The following KIF3A variants were observed in gnomAD, a reference collection of about 807,000 sequenced individuals.
KIF3A encodes the protein kinesin-like protein KIF3A.
In KIF3A, 27 loss-of-function variants were observed where a neutral mutation model predicts 92.6. The observed-to-expected ratio is 0.29, with a 90% confidence interval of 0.21 to 0.40. The LOEUF is 0.40. KIF3A is among the 10% of genes least tolerant of loss of function. KIF3A has a pLI of 1.00. For synonymous variants in KIF3A, 250 were observed against 275.4 expected (o/e 0.91, Z 0.92); for missense variants, 581 against 872.6 (o/e 0.67, Z 4.21).
chr5:132,721,456 G>C (rs1753819633), intron 4 of KIF3A: 1 of 152,138 alleles, frequency 6.6e-6, no homozygotes, highest in Admixed American at 6.5e-5. Flanking sequence ...GTGAAACTGA[G>C]GCAGAGGCCT....
At chr5:132,698,887 G>A (rs540318085) in intron 18 of KIF3A, among the ~76,000 whole-genome samples, 55 of 152,052 alleles carry the variant, frequency 3.6e-4, no homozygotes, top group African/African-American at 1.2e-3. Flanking sequence ...ACAGGCATGC[G>A]CCACCATGCC....
Position 132,715,749 on chromosome 5 carries a change from A to G in KIF3A, c.1129+8T>C. ...AACATAAAGATTAATATTTTGAGGA[A>G]AAGCTACCTTCTTCAAGCTTCTTTT... On this transcript the variant is annotated splice_region_variant and intron_variant, in intron 8 of 18. Coordinates refer to ENST00000403231, the MANE Select transcript of KIF3A (RefSeq NM_001300791.2). The G allele has an allele frequency of 6.3e-7, 1 of 1,598,950 alleles. No homozygotes were observed. Among genetic ancestry groups the G allele is most frequent in the East Asian group, 2.2e-5 (1 of 44,720 alleles).
chr5:132,690,840 T>A (rs978728142), downstream of KIF3A, among the ~76,000 whole-genome samples: 2 of 152,028 alleles, frequency 1.3e-5, no homozygotes, highest in African/African-American at 2.4e-5. Flanking sequence ...GGCAGGAGAA[T>A]GGCGTGAACC....
At chr5:132,732,569 G>A (rs1754268509) in intron 2 of KIF3A, among the ~76,000 whole-genome samples, 1 of 152,178 alleles carries the variant, frequency 6.6e-6, no homozygotes. Flanking sequence ...AAGATCAGGA[G>A]TTCAAAACCA....
At chr5:132,710,867 T>C (rs1367126066) in intron 9 of KIF3A, 92 bp downstream of exon 9, 1 of 1,553,048 alleles carries the variant, frequency 6.4e-7, no homozygotes, top group South Asian at 1.2e-5. Context: ...ATCTAATATA[T>C]TAAACAGATA....
chr5:132,712,610 A>T (rs985981810), intron 8 of KIF3A, among the ~76,000 whole-genome samples: 2 of 152,246 alleles, frequency 1.3e-5, no homozygotes, highest in African/African-American at 4.8e-5. Context: ...AAAATAGTAG[A>T]AGAAAGTATG....
At chr5:132,698,365 T>C (rs546526152) in intron 18 of KIF3A, among the ~76,000 whole-genome samples, 10 of 152,198 alleles carry the variant, frequency 6.6e-5, no homozygotes, top group African/African-American at 2.4e-4. Flanking sequence ...CATATCCCGA[T>C]TTCCCTGAGC....
intron 8 of KIF3A, 58 bp from the exon 9 acceptor site, chr5:132,711,115 G>A: frequency 6.7e-7 from 1 of 1,483,390 alleles, no homozygotes; most frequent in South Asian, 1.2e-5. Context: ...TAGCTATTTA[G>A]GAAATACCTA....
chr5:132,705,336 A>G (rs971439265), intron 11 of KIF3A, among the ~76,000 whole-genome samples: 1 of 151,976 alleles, frequency 6.6e-6, no homozygotes, highest in Non-Finnish European at 1.5e-5. Flanking sequence ...AAAATGGGAC[A>G]TATGTTAAGA....
At chr5:132,700,349 C>T in intron 16 of KIF3A, 65 bp from the exon 17 acceptor site, 1 of 957,262 alleles carries the variant, frequency 1.0e-6, no homozygotes, top group Non-Finnish European at 1.6e-6. Context: ...GTGAGTTAGG[C>T]AAATAACTGA....
chr5:132,726,944 T>C (rs1017367254), intron 2 of KIF3A, among the ~76,000 whole-genome samples: 1 of 152,190 alleles, frequency 6.6e-6, no homozygotes, highest in African/African-American at 2.4e-5. Context: ...CTAGAGACTG[T>C]CTCCTCAACC....
chr5:132,733,330 A>G (rs988878959), intron 2 of KIF3A, among the ~76,000 whole-genome samples: 1 of 152,258 alleles, frequency 6.6e-6, no homozygotes, highest in Non-Finnish European at 1.5e-5. Flanking sequence ...ATATATTAGT[A>G]ACACACAATC....
chr5:132,710,473 G>C (rs4705964), intron 9 of KIF3A, among the ~76,000 whole-genome samples: 1 of 151,914 alleles, frequency 6.6e-6, no homozygotes, highest in Non-Finnish European at 1.5e-5. Flanking sequence ...AAAATTAGCC[G>C]GGCGAGGTGG....
Position 132,702,102 on chromosome 5 carries a change from T to C in KIF3A, c.1869A>G (p.Ile623Met). 6.2e-7 allele frequency: 1 copy of C among 1,612,794 alleles called. No individual in the cohort carries two copies. Among genetic ancestry groups the C allele is most frequent in the Non-Finnish European group, 8.5e-7 (1 of 1,179,030 alleles). The part of the protein sequence containing the change: ...RLQMLIIDNF[I>M]PRDYQEMIEN... Reference sequence around the variant, plus strand: ...TCCTTTTTACCTGATAATCCCGAGGTATAAAGTTATCAATAATAAGCATCT... The same window carrying C: ...TCCTTTTTACCTGATAATCCCGAGGCATAAAGTTATCAATAATAAGCATCT... The change falls in exon 15 of 19, where the codon ATA becomes ATG. Residue 623 changes from isoleucine to methionine, a missense_variant. By Grantham distance (10) the Ile-to-Met change is conservative. Around this residue, in one of 5 missense-constraint regions of KIF3A, gnomAD observed 112 missense variants for 144.3 expected, o/e 0.78. Coordinates refer to ENST00000403231, the MANE Select transcript of KIF3A (RefSeq NM_001300791.2).
rs757700796 is a variant in KIF3A at position 132,720,706 on chromosome 5, T to C, written c.519A>G (p.Glu173=). Reference sequence around the variant, plus strand: ...TGATATAAACTCCCACATCAGGTCTTTCTTTAACCTAAAAAAAAATTAAGA... The same window carrying C: ...TGATATAAACTCCCACATCAGGTCTCTCTTTAACCTAAAAAAAAATTAAGA... ...KDQTQRLEVK[E]RPDVGVYIKD... is the part of the protein sequence containing the mutation. Residue 173 remains glutamate, a synonymous_variant, in exon 5 of 19, where the codon GAA becomes GAG. Coordinates refer to ENST00000403231, the MANE Select transcript of KIF3A (RefSeq NM_001300791.2). The C allele has an allele frequency of 5.7e-6, 9 of 1,585,712 alleles. No homozygotes were observed. The South Asian group carries it at 9.0e-5, about 16-fold the overall frequency.
chr5:132,735,644 T>G (rs1754367627), intron 1 of KIF3A, among the ~76,000 whole-genome samples: 1 of 152,208 alleles, frequency 6.6e-6, no homozygotes, highest in Admixed American at 6.5e-5. Context: ...CACCATCATC[T>G]TGGCCCTGGA....
chr5:132,724,386 A>G (rs1431211245), intron 4 of KIF3A, among the ~76,000 whole-genome samples: 1 of 152,192 alleles, frequency 6.6e-6, no homozygotes, highest in Non-Finnish European at 1.5e-5. Flanking sequence ...AAGACTTGGA[A>G]CCAACCCAAA....
intron 2 of KIF3A, among the ~76,000 whole-genome samples, chr5:132,728,260 G>A (rs1006184786): frequency 1.3e-5 from 2 of 151,930 alleles, no homozygotes; most frequent in Non-Finnish European, 2.9e-5. Context: ...AGAGAGCAGT[G>A]GCACGATCAT....
intron 2 of KIF3A, among the ~76,000 whole-genome samples, chr5:132,731,140 A>G (rs1754214582): frequency 6.6e-6 from 1 of 152,234 alleles, no homozygotes; most frequent in South Asian, 2.1e-4. Flanking sequence ...ATTCTTCTAG[A>G]AAACTGAAAA....
Sources: allele counts gnomAD v4.1 joint callset (sites outside exome capture counted in the v4.1 genomes callset), GRCh38; gene constraint gnomAD v4.1.1; regional missense constraint gnomAD v4.1.1; transcripts MANE v1.5; gene names NCBI Gene and HGNC (gene_info 2026-07-23, HGNC 2026-07-21).